The following TREM1 variants were observed in gnomAD, a reference collection of about 807,000 sequenced individuals.
TREM1 encodes triggering receptor expressed on monocytes 1.
TREM1 carries 16 observed loss-of-function variants against 22.4 expected under a neutral mutation model. The ratio of observed to expected loss-of-function variants is 0.71; its 90% CI spans 0.48 to 1.08. TREM1 has a LOEUF of 1.08. Ranked by LOEUF, TREM1 falls within the 50% of genes least tolerant of loss-of-function variation. The pLI, the probability that TREM1 is intolerant of heterozygous loss-of-function variation, is 0.00. For synonymous variants in TREM1, 110 were observed against 111.6 expected, an observed-to-expected ratio of 0.99 and a Z score of 0.09; for missense variants, 283 against 282.9, an observed-to-expected ratio of 1.00 and a Z score of 0.00.
intron 2 of TREM1, chr6:41,281,664 T>C (rs192524292): frequency 1.7e-3 from 271 of 160,736 alleles, no homozygotes; most frequent in Middle Eastern, 0.013. Context: ...GCTGGGAACT[T>C]GAGCCTGCTT....
chr6:41,286,537 T>A (rs1768177607), intron 1 of TREM1, 70 bp downstream of exon 1: 1 of 1,571,738 alleles, frequency 6.4e-7, no homozygotes, highest in South Asian at 1.1e-5. Context: ...CTCTGAAGCT[T>A]CAACAGAAAA....
At chr6:41,285,124 T>C (rs77227642) in intron 1 of TREM1, among the ~76,000 whole-genome samples, 9,153 of 152,208 alleles carry the variant, frequency 0.06, 746 homozygotes, top group African/African-American at 0.19. Context: ...GATAAATCTC[T>C]TTTATTTGCC....
chr6:41,282,979 G>A lies in TREM1; in HGVS notation c.50-228C>T, dbSNP rs541338966. On this transcript the variant is annotated intron_variant, in intron 1 of 3. Transcript: ENST00000244709. The stretch of plus-strand genomic sequence containing the variant: ...ATAAGAGACTGCATATGGTGCATGA[G>A]GATCAAATTTCATAAATGATCAGAA... Among the ~76,000 whole-genome samples the A allele has an allele frequency of 3.9e-5, 6 of 152,140 alleles. No homozygotes were observed. In the East Asian group the frequency reaches 1.2e-3, roughly 29 times the overall value.
In TREM1 at chr6:41,281,133, A is replaced by G. The variant is rs756326364; in HGVS notation, c.427T>C (p.Ser143Pro). Residue 143 changes from serine to proline, a missense_variant, in exon 3 of 4, where the codon TCC becomes CCC. By Grantham distance (74) the Ser-to-Pro change is moderately conservative. Transcript: ENST00000244709. ...ACATTCTGGGTAGAATTCTCATTGG[A>G]GCCAGGGGTCCCTGAAAAACCTGCA... Reference protein sequence around the residue: ...VTKGFSGTPGSNENSTQNVYK... With the variant: ...VTKGFSGTPGPNENSTQNVYK... The G allele has an allele frequency of 8.7e-6, 14 of 1,613,640 alleles. No homozygotes were observed. The Admixed American group carries it at 1.5e-4, about 17-fold the overall frequency.
rs376049202 is a variant in TREM1, at chr6:41,284,949, GT to G, written c.49+1657del. Among the ~76,000 whole-genome samples, 621 of 152,352 alleles carry G rather than the reference GT, an allele frequency of 4.1e-3. 7 individuals carry two copies. Among genetic ancestry groups the G allele is most frequent in the South Asian group, 0.028 (136 of 4,824 alleles). On this transcript the variant is annotated intron_variant, in intron 1 of 3. Transcript: ENST00000244709. ...CAAGAGACTGTTGACCAGAGGCTGA[GT>G]GTTGTCTGAAACCAAGCCTGGTTCC...
At chr6:41,279,317 G>A (rs1009663628) in intron 3 of TREM1, among the ~76,000 whole-genome samples, 1 of 152,218 alleles carries the variant, frequency 6.6e-6, no homozygotes, top group African/African-American at 2.4e-5. Context: ...TTCTACCCTG[G>A]GGAGCGCTTT....
chr6:41,272,807 A>C (rs535370696), downstream of TREM1, among the ~76,000 whole-genome samples: 28 of 152,190 alleles, frequency 1.8e-4, no homozygotes, highest in African/African-American at 6.7e-4. Flanking sequence ...CCATGGATTG[A>C]AGTCCTACTG....
chr6:41,285,650 C>T (rs570885699), intron 1 of TREM1, among the ~76,000 whole-genome samples: 1 of 152,344 alleles, frequency 6.6e-6, no homozygotes, highest in South Asian at 2.1e-4. Flanking sequence ...GGTTTTCTCT[C>T]ACACAGGTAC....
Position 41,282,412 on chromosome 6 carries a change from C to A in TREM1, c.389G>T (p.Arg130Leu). The change falls in exon 2 of 4, where the codon CGC becomes CTC. Residue 130 changes from arginine to leucine, a missense_variant. Transcript: ENST00000244709. ...CCACTCACCCTTGGTCACCACCAAG[C>A]GGATGCGATCGAACAGCATGTGAGG... is the stretch of plus-strand genomic sequence containing the variant. ...KEPHMLFDRI[R>L]LVVTKGFSGT... 1 of 1,611,236 alleles carries A rather than the reference C, an allele frequency of 6.2e-7. No homozygotes were observed. Among genetic ancestry groups the A allele is most frequent in the Non-Finnish European group, 8.5e-7 (1 of 1,178,242 alleles).
chr6:41,283,685 C>T (rs2803491), intron 1 of TREM1, among the ~76,000 whole-genome samples: 2 of 150,652 alleles, frequency 1.3e-5, no homozygotes, highest in East Asian at 3.9e-4. Context: ...GCACTCCAGC[C>T]TGGGCCACAG....
Position 41,276,173 on chromosome 6 carries a change from C to T in TREM1, c.657G>A (p.Leu219=). The T allele has an allele frequency of 6.2e-7, 1 of 1,614,164 alleles. No individual in the cohort carries two copies. The highest frequency in any genetic ancestry group is 8.5e-7 in the Non-Finnish European group (1 of 1,180,012). The change falls in exon 4 of 4, where the codon CTG becomes CTA. Residue 219 remains leucine (L), a synonymous_variant. Transcript: ENST00000244709. ...LLAGGFLSKS[L]VFSVLFAVTL... ...TGACAGCAAACAGGACAGAGAAGACCAGGCTCTTACTCAGGAATCCACCAG... is the reference window on the plus strand; with the variant it reads ...TGACAGCAAACAGGACAGAGAAGACTAGGCTCTTACTCAGGAATCCACCAG...
At chr6:41,272,298 C>T (rs918664676), downstream of TREM1, among the ~76,000 whole-genome samples, 7 of 152,152 alleles carry the variant, frequency 4.6e-5, no homozygotes, top group East Asian at 3.9e-4. Context: ...GTCCCCACTG[C>T]GTCACTCACC....
intron 3 of TREM1, among the ~76,000 whole-genome samples, chr6:41,278,419 C>T (rs1219374082): frequency 6.6e-6 from 1 of 151,876 alleles, no homozygotes; most frequent in African/African-American, 2.4e-5. Flanking sequence ...CTTGTAATCC[C>T]AGCACTTTGG....
downstream of TREM1, among the ~76,000 whole-genome samples, chr6:41,270,440 TTATATAATATATATATATATATATATATA>T (rs1285943138): frequency 2.8e-5 from 2 of 72,366 alleles, no homozygotes; most frequent in Non-Finnish European, 5.3e-5. Context: ...ATATATGATA[TTATATAATATATATATATATATATATATA>T]TATATATATA....
rs72859267 is a variant in TREM1, at chr6:41,274,037, G to A, written c.*2088C>T. 5.3e-3 allele frequency among the ~76,000 whole-genome samples: 800 copies of A among 152,302 alleles called. 2 individuals are homozygous for A. Among genetic ancestry groups the A allele is most frequent in the Admixed American group, 0.011 (165 of 15,298 alleles). On this transcript the variant is annotated 3_prime_UTR_variant, in exon 4 of 4. Transcript: ENST00000244709. ...GTGCAAATGGGAGAGTATCCAGCACGGCCATTTGTCTTCCGATTTAGTGCA... is the reference window on the plus strand; with the variant it reads ...GTGCAAATGGGAGAGTATCCAGCACAGCCATTTGTCTTCCGATTTAGTGCA...
downstream of TREM1, among the ~76,000 whole-genome samples, chr6:41,270,440 TTATATAATATATATA>T (rs1223542358): frequency 1.4e-5 from 1 of 72,366 alleles, no homozygotes; most frequent in African/African-American, 5.2e-5. Context: ...ATATATGATA[TTATATAATATATATA>T]TATATATATA....
Position 41,276,203 on chromosome 6 carries a change from G to A in TREM1, c.627C>T (p.Leu209=), listed in dbSNP as rs764908277. ...TCTTACTCAGGAATCCACCAGCCAG[G>A]AGAATGACAATGTTGAACACCGGAA... is the stretch of plus-strand genomic sequence containing the variant. ...IRVPVFNIVI[L]LAGGFLSKSL... is the part of the protein sequence containing the mutation. The change falls in exon 4 of 4, where the codon CTC becomes CTT. Residue 209 remains leucine (L), a synonymous_variant. Coordinates refer to ENST00000244709, the MANE Select transcript of TREM1 (RefSeq NM_018643.5). 6.2e-7 allele frequency: 1 copy of A among 1,614,120 alleles called. No individual in the cohort carries two copies. The highest frequency in any genetic ancestry group is 8.5e-7 in the Non-Finnish European group (1 of 1,179,998).
chr6:41,278,719 C>T (rs759346640), intron 3 of TREM1, among the ~76,000 whole-genome samples: 2 of 151,940 alleles, frequency 1.3e-5, no homozygotes, highest in Non-Finnish European at 2.9e-5. Flanking sequence ...GTGTGGATTC[C>T]ACTTTCCAGA....
chr6:41,267,458 C>A (rs1024896040), downstream of TREM1, among the ~76,000 whole-genome samples: 5 of 151,964 alleles, frequency 3.3e-5, no homozygotes, highest in Admixed American at 3.3e-4. Context: ...CAAAAGCACA[C>A]AAAATCAATT....
Sources: gnomAD v4.1 joint callset for allele counts (sites outside exome capture counted in the v4.1 genomes callset) on GRCh38, gnomAD v4.1.1 for gene constraint, MANE v1.5 for transcripts, NCBI Gene and HGNC (gene_info 2026-07-23, HGNC 2026-07-21) for gene names.